Variants in WWC1 observed in about 807,000 individuals in gnomAD.
The protein encoded by WWC1 is WW and C2 domain containing 1.
Under a neutral mutation model 138.4 loss-of-function variants are expected in WWC1, and 55 were observed. The observed-to-expected ratio is 0.40, with a 90% confidence interval of 0.32 to 0.50. WWC1 has a LOEUF of 0.50. Ranked by LOEUF, WWC1 falls within the 20% of genes least tolerant of loss-of-function variation. WWC1 has a pLI of 0.72. For synonymous variants in WWC1, 524 were observed against 564.9 expected, an observed-to-expected ratio of 0.93 and a Z score of 1.03; for missense variants, 1,226 against 1,420.4, an observed-to-expected ratio of 0.86 and a Z score of 2.20.
intron 1 of WWC1, 50 bp from the exon 2 acceptor site, chr5:168,371,374 C>T: frequency 3.5e-6 from 5 of 1,416,350 alleles, no homozygotes; most frequent in Non-Finnish European, 5.0e-6. Flanking sequence ...AGGTTGCAGG[C>T]ATTTGGGGAC....
intron 9 of WWC1, among the ~76,000 whole-genome samples, chr5:168,418,106 T>A (rs1333799873): frequency 6.6e-6 from 1 of 152,180 alleles, no homozygotes; most frequent in South Asian, 2.1e-4. Context: ...AAAATGGGAT[T>A]ATTATGCTCC....
At chr5:168,414,829 T>C in intron 9 of WWC1, 1 of 550,060 alleles carries the variant, frequency 1.8e-6, no homozygotes, top group South Asian at 2.7e-5. Flanking sequence ...TCTGCTTAGG[T>C]GCAGGTGTTC....
At chr5:168,382,518 T>G (rs1175108723) in intron 2 of WWC1, among the ~76,000 whole-genome samples, 1 of 152,176 alleles carries the variant, frequency 6.6e-6, no homozygotes, top group Non-Finnish European at 1.5e-5. Context: ...GCCAGCCTGC[T>G]CAAGATAGGC....
chr5:168,339,490 A>T (rs997124222), intron 1 of WWC1, among the ~76,000 whole-genome samples: 1 of 152,160 alleles, frequency 6.6e-6, no homozygotes, highest in Non-Finnish European at 1.5e-5. Flanking sequence ...ACATTGTTGT[A>T]TATGTGGTGG....
rs1247794253 is a variant in WWC1, at chr5:168,431,420, C to G, written c.2256C>G (p.Asp752Glu). 17 of 1,612,300 alleles carry G rather than the reference C, an allele frequency of 1.1e-5. No individual in the cohort carries two copies. In the African/African-American group the frequency reaches 1.9e-4, roughly 18 times the overall value. ...KTLRVDVCTT[D>E]RSHLEECLGG... Reference sequence around the variant, plus strand: ...TAAGAGTCGATGTCTGTACCACCGACAGGAGCCATCTGGAAGAGTGCCTGG... The same window carrying G: ...TAAGAGTCGATGTCTGTACCACCGAGAGGAGCCATCTGGAAGAGTGCCTGG... The change falls in exon 15 of 23, where the codon GAC (aspartate) becomes GAG (glutamate). Residue 752 changes from aspartate to glutamate, a missense_variant. Asp to Glu is a conservative substitution (Grantham distance 45, BLOSUM62 2). Around this residue, in one of 3 missense-constraint regions of WWC1, gnomAD observed 1,016 missense variants for 1,153.9 expected, o/e 0.88. Transcript: ENST00000265293.
intron 11 of WWC1, among the ~76,000 whole-genome samples, chr5:168,427,548 ATTTTTTTT>A (rs34177139): frequency 3.0e-5 from 3 of 101,148 alleles, no homozygotes; most frequent in African/African-American, 8.1e-5. Context: ...CTTTTTTTTA[ATTTTTTTT>A]TTTTTTTTTT....
intron 1 of WWC1, among the ~76,000 whole-genome samples, chr5:168,352,784 A>T (rs969656289): frequency 2.0e-5 from 3 of 151,978 alleles, no homozygotes; most frequent in African/African-American, 7.3e-5. Flanking sequence ...GGGTTTCACC[A>T]TGTTGGTCAG....
At chr5:168,330,096 C>T (rs183261602) in intron 1 of WWC1, among the ~76,000 whole-genome samples, 37 of 152,248 alleles carry the variant, frequency 2.4e-4, no homozygotes, top group Admixed American at 2.2e-3. Flanking sequence ...GGTGACAGTG[C>T]GAGACCCTGT....
intron 17 of WWC1, 117 bp from the exon 18 acceptor site, chr5:168,453,851 T>A: frequency 1.3e-6 from 2 of 1,514,514 alleles, no homozygotes; most frequent in East Asian, 2.4e-5. Context: ...CAAAACTTTT[T>A]AAAATATATC....
At chr5:168,424,853 T>A (rs529462832) in intron 11 of WWC1, among the ~76,000 whole-genome samples, 1 of 152,364 alleles carries the variant, frequency 6.6e-6, no homozygotes, top group Non-Finnish European at 1.5e-5. Flanking sequence ...ACTCCCATTC[T>A]GCATGGGGTC....
intron 5 of WWC1, among the ~76,000 whole-genome samples, chr5:168,401,724 G>T (rs987651438): frequency 3.9e-5 from 6 of 152,134 alleles, no homozygotes; most frequent in Non-Finnish European, 5.9e-5. Context: ...TTATATACGT[G>T]TTATTTATAT....
intron 3 of WWC1, among the ~76,000 whole-genome samples, chr5:168,389,359 ATCGC>A (rs1321479520): frequency 2.0e-5 from 3 of 151,330 alleles, no homozygotes; most frequent in African/African-American, 7.3e-5. Flanking sequence ...AGGCAGGAGA[ATCGC>A]TTGCTTGAAC....
At chr5:168,442,712 C>T (rs1754894393) in intron 16 of WWC1, among the ~76,000 whole-genome samples, 1 of 151,594 alleles carries the variant, frequency 6.6e-6, no homozygotes, top group African/African-American at 2.4e-5. Flanking sequence ...TGGCAGTCAT[C>T]TGTAATCCTA....
At chr5:168,341,352 C>T (rs534442345) in intron 1 of WWC1, among the ~76,000 whole-genome samples, 3 of 152,198 alleles carry the variant, frequency 2.0e-5, no homozygotes, top group African/African-American at 7.2e-5. Flanking sequence ...CTCGAGGGTG[C>T]GGCCAGTATA....
chr5:168,345,019 C>A (rs926464291), intron 1 of WWC1, among the ~76,000 whole-genome samples: 2 of 152,162 alleles, frequency 1.3e-5, no homozygotes, highest in African/African-American at 4.8e-5. Flanking sequence ...CCACCAGGCT[C>A]ATAAGGAAGG....
At chr5:168,317,294 C>T (rs2152754663) in intron 1 of WWC1, among the ~76,000 whole-genome samples, 1 of 152,332 alleles carries the variant, frequency 6.6e-6, no homozygotes, top group South Asian at 2.1e-4. Context: ...TCTGACATTT[C>T]TCAGAGCGTT....
At chr5:168,312,589 C>T (rs927156706) in intron 1 of WWC1, among the ~76,000 whole-genome samples, 2 of 152,238 alleles carry the variant, frequency 1.3e-5, no homozygotes, top group African/African-American at 4.8e-5. Context: ...TACAGTATCA[C>T]AGCATTAGTT....
At chr5:168,377,752 A>G (rs1777328230) in intron 2 of WWC1, among the ~76,000 whole-genome samples, 1 of 152,240 alleles carries the variant, frequency 6.6e-6, no homozygotes, top group African/African-American at 2.4e-5. Context: ...ACCAGTCAGA[A>G]TGGCTGTTAT....
chr5:168,354,814 G>A (rs940630567), intron 1 of WWC1, among the ~76,000 whole-genome samples: 4 of 152,138 alleles, frequency 2.6e-5, no homozygotes, highest in African/African-American at 9.7e-5. Context: ...AGAGTGAACA[G>A]TTTTGTGGCC....
Sources: gnomAD v4.1 joint callset for allele counts (sites outside exome capture counted in the v4.1 genomes callset) on GRCh38, gnomAD v4.1.1 for gene constraint, gnomAD v4.1.1 regional missense constraint, MANE v1.5 for transcripts, NCBI Gene and HGNC (gene_info 2026-07-23, HGNC 2026-07-21) for gene names.